Variants in CAMK2A observed in about 807,000 individuals in gnomAD.
The protein encoded by CAMK2A is calcium/calmodulin dependent protein kinase II alpha.
In CAMK2A, 7 loss-of-function variants were observed where a neutral mutation model predicts 79.2. The observed-to-expected ratio is 0.09, with a 90% confidence interval of 0.05 to 0.17. The LOEUF is 0.17. Among genes scored for constraint, CAMK2A ranks in the 10% least tolerant of loss-of-function variants. CAMK2A has a pLI of 1.00. For missense variants in CAMK2A, 214 were observed against 646.4 expected (o/e 0.33, Z 7.25); for synonymous variants, 242 against 251.7 (o/e 0.96, Z 0.36).
In CAMK2A at chr5:150,284,992, C is replaced by T. The variant is rs1487907753; in HGVS notation, c.62+4572G>A. On this transcript the variant is annotated intron_variant, in intron 1 of 18. Coordinates refer to ENST00000671881, the MANE Select transcript of CAMK2A (RefSeq NM_015981.4). The surrounding 1 kb of genome is among the most constrained non-coding windows in gnomAD (Gnocchi z 5.3). ...GATCCCCATTTTACAGATGGTAAAG[C>T]CGAGGCACACAAACAGCAAGTGATT... is the stretch of plus-strand genomic sequence containing the variant. Among the ~76,000 whole-genome samples, 1 of 152,064 alleles carries T rather than the reference C, an allele frequency of 6.6e-6. No homozygotes were observed. Among genetic ancestry groups the T allele is most frequent in the Non-Finnish European group, 1.5e-5 (1 of 68,020 alleles).
Position 150,221,320 on chromosome 5 carries a change from G to A in CAMK2A, c.*1390C>T, listed in dbSNP as rs1258521375. 2.0e-5 allele frequency: 8 copies of A among 397,668 alleles called. No homozygotes were observed. The highest frequency in any genetic ancestry group is 3.1e-5 in the Non-Finnish European group (7 of 225,910). The allele number at this position is 397,668 out of a possible 1,614,324, so 24.6% of individuals were successfully genotyped here. A position where few individuals can be genotyped will look rare whatever the true frequency, so the allele number is the denominator to read the frequency against. ...AAAGAGGAAAAGAAAGAGAGAATGC[G>A]AACCCGAGGCTGCAGGATGAGGCAT... is the stretch of plus-strand genomic sequence containing the variant. On this transcript the variant is annotated 3_prime_UTR_variant, in exon 19 of 19. Transcript: ENST00000671881.
Position 150,256,660 on chromosome 5 carries a change from A to G in CAMK2A, c.339-15T>C, listed in dbSNP as rs1756070633. 1.9e-6 allele frequency: 3 copies of G among 1,612,904 alleles called. No homozygotes were observed. The highest frequency in any genetic ancestry group is 2.5e-6 in the Non-Finnish European group (3 of 1,178,968). ...GGATACAGTGACTAGGGAGAGAGAG[A>G]GGAAGGGGTCATGGTGGTGTGAGCA... On this transcript the variant is annotated splice_polypyrimidine_tract_variant and intron_variant, in intron 5 of 18. Coordinates refer to ENST00000671881, the MANE Select transcript of CAMK2A (RefSeq NM_015981.4). The surrounding 1 kb of genome is among the most constrained non-coding windows in gnomAD (Gnocchi z 4.6).
At chr5:150,252,160 G>A in intron 7 of CAMK2A, 95 bp from the exon 8 acceptor site, 1 of 954,222 alleles carries the variant, frequency 1.0e-6, no homozygotes, top group Non-Finnish European at 1.6e-6. Context: ...GATGAGGATT[G>A]CTCTGGAGCT....
intron 3 of CAMK2A, among the ~76,000 whole-genome samples, chr5:150,264,667 G>A (rs1756433645): frequency 6.6e-6 from 1 of 152,200 alleles, no homozygotes; most frequent in African/African-American, 2.4e-5. Flanking sequence ...TGTCCCCCTG[G>A]CCTATTTTCA....
intron 1 of CAMK2A, among the ~76,000 whole-genome samples, chr5:150,279,999 T>C (rs571849148): frequency 2.0e-5 from 3 of 152,238 alleles, no homozygotes; most frequent in East Asian, 3.9e-4. Context: ...CAGCACTAGA[T>C]GGGGAGTCAG....
Position 150,256,517 on chromosome 5 carries a change from C to T in CAMK2A, c.411+56G>A, listed in dbSNP as rs367803934. 9 of 1,152,890 alleles carry T rather than the reference C, an allele frequency of 7.8e-6. No homozygotes were observed. The highest frequency in any genetic ancestry group is 2.7e-4 in the Middle Eastern group (1 of 3,734). The allele number at this position is 1,152,890 out of a possible 1,614,324, so 71.4% of individuals were successfully genotyped here. ...ATGTCCAGCTCTGCAGGATTAGGGA[C>T]GTGCAGAGGAGAGAGGGGCTCCCGG... is the stretch of plus-strand genomic sequence containing the variant. On this transcript the variant is annotated intron_variant, in intron 6 of 18. Transcript: ENST00000671881. This position sits in a 1 kb window ranked among gnomAD's most constrained non-coding sequence, Gnocchi z 4.6.
rs1237048951 is a variant in CAMK2A at position 150,221,422 on chromosome 5, C to T, written c.*1288G>A. 2.5e-6 allele frequency: 1 copy of T among 398,710 alleles called. No individual in the cohort carries two copies. The highest frequency in any genetic ancestry group is 3.5e-5 in the East Asian group (1 of 28,196). 24.7% of individuals were successfully genotyped at this position (398,710 alleles called of 1,614,324 possible). A position where few individuals can be genotyped will look rare whatever the true frequency, so the allele number is the denominator to read the frequency against. ...GAGAGGCAATGAAGACACACGCTCA[C>T]GGGCCCCCCAGAGGTGGGTGGGGGG... On this transcript the variant is annotated 3_prime_UTR_variant, in exon 19 of 19. Transcript: ENST00000671881.
chr5:150,283,819 AC>A (rs35216958), intron 1 of CAMK2A, among the ~76,000 whole-genome samples: 3,481 of 152,270 alleles, frequency 0.023, 141 homozygotes, highest in African/African-American at 0.074. Flanking sequence ...GGAACAGAGT[AC>A]CCCGCCCAGG....
chr5:150,222,576 G>T lies in CAMK2A; in HGVS notation c.*134C>A. On this transcript the variant is annotated 3_prime_UTR_variant, in exon 19 of 19. Transcript: ENST00000671881. ...GAACAAGCAGGTTTTCTTGATGCAGGTACAGAAGTGACGGTGGTGGGGTGA... is the reference window on the plus strand; with the variant it reads ...GAACAAGCAGGTTTTCTTGATGCAGTTACAGAAGTGACGGTGGTGGGGTGA... 1.0e-6 allele frequency: 1 copy of T among 974,556 alleles called. No individual in the cohort carries two copies. Among genetic ancestry groups the T allele is most frequent in the Non-Finnish European group, 1.6e-6 (1 of 614,192 alleles). The allele number at this position is 974,556 out of a possible 1,614,324, so 60.4% of individuals were successfully genotyped here. A position where few individuals can be genotyped will look rare whatever the true frequency, so the allele number is the denominator to read the frequency against.
chr5:150,289,873 T>G (rs1757593078), upstream of CAMK2A: 1 of 517,648 alleles, frequency 1.9e-6, no homozygotes. Flanking sequence ...GTTGCCCCGG[T>G]AACTGCCTCC....
chr5:150,221,229 G>A lies in CAMK2A; in HGVS notation c.*1481C>T. 2.5e-6 allele frequency: 1 copy of A among 394,230 alleles called. No individual in the cohort carries two copies. The highest frequency in any genetic ancestry group is 4.5e-6 in the Non-Finnish European group (1 of 223,568). The allele number at this position is 394,230 out of a possible 1,614,324, so 24.4% of individuals were successfully genotyped here. Reference sequence around the variant, plus strand: ...TATAAAGTCATGCAAAGAAAACAGTGCAGACAGTAGATCCTAGTGGATGTG... The same window carrying A: ...TATAAAGTCATGCAAAGAAAACAGTACAGACAGTAGATCCTAGTGGATGTG... On this transcript the variant is annotated 3_prime_UTR_variant, in exon 19 of 19. Transcript: ENST00000671881.
intron 1 of CAMK2A, among the ~76,000 whole-genome samples, chr5:150,285,337 C>A (rs549907949): frequency 6.2e-4 from 94 of 152,298 alleles, no homozygotes; most frequent in Non-Finnish European, 4.0e-4. Context: ...TTGCCGGCCC[C>A]AAAGTGCTGT....
intron 12 of CAMK2A, among the ~76,000 whole-genome samples, chr5:150,245,970 C>T (rs1031200931): frequency 8.5e-5 from 13 of 152,342 alleles, no homozygotes; most frequent in African/African-American, 2.9e-4. Flanking sequence ...CACAGGCATC[C>T]GGCTGCTTCA....
chr5:150,268,063 C>T (rs543381524), intron 2 of CAMK2A, among the ~76,000 whole-genome samples: 3 of 151,936 alleles, frequency 2.0e-5, no homozygotes, highest in South Asian at 2.1e-4. Flanking sequence ...TTAGTAGAGA[C>T]GGGGTTCCAC....
At chr5:150,238,826 G>T in intron 14 of CAMK2A, 78 bp from the exon 15 acceptor site, 1 of 1,271,492 alleles carries the variant, frequency 7.9e-7, no homozygotes, top group South Asian at 1.5e-5. Flanking sequence ...GCTGCCTGGT[G>T]ACGCGGCTGG....
At chr5:150,266,079 C>T (rs1580939006) in intron 2 of CAMK2A, among the ~76,000 whole-genome samples, 1 of 152,194 alleles carries the variant, frequency 6.6e-6, no homozygotes, top group South Asian at 2.1e-4. Flanking sequence ...TCAGGAGACT[C>T]TGGGACCAGG....
intron 17 of CAMK2A, among the ~76,000 whole-genome samples, chr5:150,225,892 G>A (rs1754577977): frequency 6.6e-6 from 1 of 152,038 alleles, no homozygotes; most frequent in Admixed American, 6.6e-5. Context: ...TTACAGGTGT[G>A]CACCACCATA....
At chr5:150,252,923 T>C (rs1169038302) in intron 7 of CAMK2A, among the ~76,000 whole-genome samples, 1 of 152,196 alleles carries the variant, frequency 6.6e-6, no homozygotes, top group African/African-American at 2.4e-5. Context: ...TGGCTCAATA[T>C]TGCCCACTAA....
In CAMK2A at chr5:150,223,507, C is replaced by G. The variant is rs940419416; in HGVS notation, c.1238-290G>C. Among the ~76,000 whole-genome samples, 2 of 152,108 alleles carry G rather than the reference C, an allele frequency of 1.3e-5. No homozygotes were observed. The highest frequency in any genetic ancestry group is 1.3e-4 in the Admixed American group (2 of 15,270). On this transcript the variant is annotated intron_variant, in intron 17 of 18. Coordinates refer to ENST00000671881, the MANE Select transcript of CAMK2A (RefSeq NM_015981.4). This position sits in a 1 kb window ranked among gnomAD's most constrained non-coding sequence, Gnocchi z 4.1. ...ATGACCGTTAGCCACATGGAATAAG[C>G]CTAGAGGATCATAGAACCAGAAGAG...
Sources: gnomAD v4.1 joint callset for allele counts (sites outside exome capture counted in the v4.1 genomes callset) on GRCh38, gnomAD v4.1.1 for gene constraint, Gnocchi (gnomAD v3.1) non-coding constraint, MANE v1.5 for transcripts, NCBI Gene and HGNC (gene_info 2026-07-23, HGNC 2026-07-21) for gene names.